The following AGBL4 variants were observed in gnomAD, a reference collection of about 807,000 sequenced individuals.
AGBL4 encodes AGBL carboxypeptidase 4.
AGBL4 carries 58 observed loss-of-function variants against 66.4 expected under a neutral mutation model. The observed-to-expected ratio is 0.87, with a 90% CI of 0.71 to 1.09. The LOEUF is 1.09. Ranked by LOEUF, AGBL4 falls within the 50% of genes least tolerant of loss-of-function variation. The pLI is 0.00. For synonymous variants in AGBL4, 234 were observed against 222.9 expected (o/e 1.05, Z -0.44); for missense variants, 579 against 631.0 (o/e 0.92, Z 0.88).
chr1:49,687,538 G>A (rs756775389), intron 3 of AGBL4, among the ~76,000 whole-genome samples: 14 of 152,188 alleles, frequency 9.2e-5, no homozygotes, highest in East Asian at 3.9e-4. Flanking sequence ...TTAGGAGGCC[G>A]AGGGGGACGG....
At chr1:49,026,995 G>T (rs1571262119) in intron 5 of AGBL4, among the ~76,000 whole-genome samples, 1 of 152,038 alleles carries the variant, frequency 6.6e-6, no homozygotes, top group Non-Finnish European at 1.5e-5. Context: ...AATTGATTGT[G>T]TTTTCTTGTA....
intron 3 of AGBL4, among the ~76,000 whole-genome samples, chr1:49,637,880 G>A (rs1431108529): frequency 6.6e-6 from 1 of 151,984 alleles, no homozygotes; most frequent in African/African-American, 2.4e-5. Context: ...AATACATAAT[G>A]ATATAAATGG....
At chr1:48,591,034 T>A in intron 9 of AGBL4, 49 bp from the exon 10 acceptor site, 2 of 1,537,962 alleles carry the variant, frequency 1.3e-6, no homozygotes, top group Non-Finnish European at 1.7e-6. Context: ...GTAGAGCTTG[T>A]GTATAAGGGA....
At chr1:49,067,977 A>G (rs1421426172) in intron 4 of AGBL4, among the ~76,000 whole-genome samples, 1 of 151,456 alleles carries the variant, frequency 6.6e-6, no homozygotes, top group South Asian at 2.1e-4. Flanking sequence ...TAATTGTTCA[A>G]TTTCCACCGA....
At chr1:49,262,507 A>G (rs975541741) in intron 3 of AGBL4, among the ~76,000 whole-genome samples, 1 of 152,252 alleles carries the variant, frequency 6.6e-6, no homozygotes, top group Non-Finnish European at 1.5e-5. Flanking sequence ...ATATGAACAG[A>G]CACTTCTCAA....
chr1:49,234,743 C>T (rs1161263872), intron 4 of AGBL4, among the ~76,000 whole-genome samples: 1 of 152,160 alleles, frequency 6.6e-6, no homozygotes, highest in Non-Finnish European at 1.5e-5. Flanking sequence ...CAATTTAAAA[C>T]TAAAGCCTTT....
chr1:49,756,920 C>T (rs185643437), intron 2 of AGBL4, among the ~76,000 whole-genome samples: 63 of 152,056 alleles, frequency 4.1e-4, no homozygotes, highest in East Asian at 9.7e-4. Context: ...CAAACAAATA[C>T]GGTAAAGTGG....
chr1:48,888,335 C>T (rs1650572805), intron 5 of AGBL4, among the ~76,000 whole-genome samples: 3 of 152,184 alleles, frequency 2.0e-5, no homozygotes, highest in Non-Finnish European at 2.9e-5. Flanking sequence ...GCAGAATCTG[C>T]ACATCCAGCT....
intron 5 of AGBL4, among the ~76,000 whole-genome samples, chr1:48,895,552 A>G (rs756465897): frequency 2.6e-5 from 4 of 152,254 alleles, no homozygotes; most frequent in African/African-American, 7.2e-5. Flanking sequence ...AGCTGATTGC[A>G]CTGAAGAAAA....
chr1:50,022,906 G>A (rs901279018), intron 1 of AGBL4, among the ~76,000 whole-genome samples: 1 of 152,102 alleles, frequency 6.6e-6, no homozygotes, highest in Admixed American at 6.5e-5. Flanking sequence ...CTATGACCCT[G>A]TGAGAAACTT....
In AGBL4 at chr1:49,293,172, C is replaced by T. The variant is rs1644576009; in HGVS notation, c.283-47308G>A. Among the ~76,000 whole-genome samples the T allele has an allele frequency of 3.9e-5, 6 of 152,318 alleles. No homozygotes were observed. The South Asian group carries it at 1.2e-3, about 32-fold the overall frequency. On this transcript the variant is annotated intron_variant, in intron 3 of 13. Transcript: ENST00000371839. ...GTCCAGCCACAGCCACACAGAGAGC[C>T]ATCTGTGCTGGCACTTGGAGCTGCC... is the stretch of plus-strand genomic sequence containing the variant.
chr1:49,339,339 CCAATGG>C (rs1393074503), intron 3 of AGBL4, among the ~76,000 whole-genome samples: 1 of 152,150 alleles, frequency 6.6e-6, no homozygotes. Flanking sequence ...TTACGTTATT[CCAATGG>C]GAAAGTTTTC....
chr1:48,989,044 G>A (rs1660402609), intron 5 of AGBL4, among the ~76,000 whole-genome samples: 1 of 152,144 alleles, frequency 6.6e-6, no homozygotes, highest in Non-Finnish European at 1.5e-5. Flanking sequence ...CAGATACGGA[G>A]GTAGAGGCTC....
At position 49,879,372 on chromosome 1, in the gene AGBL4, T is replaced by A. The variant is rs1227342198; in HGVS notation, c.35-27854A>T. On this transcript the variant is annotated intron_variant, in intron 1 of 13. Transcript: ENST00000371839. ...GCAGGCCTGGTGGTGACAAAATCTC[T>A]CAGCATTTGCTTGTCTGTAAAGTAT... 1.2e-4 allele frequency among the ~76,000 whole-genome samples: 18 copies of A among 150,626 alleles called. No homozygotes were observed. In the South Asian group the frequency reaches 3.8e-3, roughly 32 times the overall value.
chr1:49,742,388 A>G (rs1650583127), intron 2 of AGBL4, among the ~76,000 whole-genome samples: 1 of 152,212 alleles, frequency 6.6e-6, no homozygotes, highest in Non-Finnish European at 1.5e-5. Flanking sequence ...ACCACTGCTC[A>G]ACGAAATAAA....
At chr1:49,217,719 T>C (rs546059913) in intron 4 of AGBL4, among the ~76,000 whole-genome samples, 1 of 152,258 alleles carries the variant, frequency 6.6e-6, no homozygotes, top group African/African-American at 2.4e-5. Flanking sequence ...ACAAATGTCT[T>C]CATAATCTTT....
chr1:49,229,361 G>A (rs1190589528), intron 4 of AGBL4, among the ~76,000 whole-genome samples: 1 of 152,152 alleles, frequency 6.6e-6, no homozygotes, highest in Non-Finnish European at 1.5e-5. Flanking sequence ...AAGAAAGGAA[G>A]AACATTTTTT....
intron 3 of AGBL4, among the ~76,000 whole-genome samples, chr1:49,516,243 A>T (rs1316039165): frequency 6.6e-6 from 1 of 151,956 alleles, no homozygotes; most frequent in Non-Finnish European, 1.5e-5. Context: ...ATACACATGC[A>T]ATTATACTAT....
chr1:49,550,326 G>A (rs1652854330), intron 3 of AGBL4, among the ~76,000 whole-genome samples: 1 of 152,122 alleles, frequency 6.6e-6, no homozygotes, highest in South Asian at 2.1e-4. Context: ...AGTGCTATTT[G>A]TTGCCTGTGT....
Sources: allele counts gnomAD v4.1 joint callset (sites outside exome capture counted in the v4.1 genomes callset), GRCh38; gene constraint gnomAD v4.1.1; transcripts MANE v1.5; gene names NCBI Gene and HGNC (gene_info 2026-07-23, HGNC 2026-07-21).